NR1D2: variants seen among roughly 807,000 people sequenced by gnomAD.
The protein encoded by NR1D2 is V-erbA-related protein 1-related.
Under a neutral mutation model 52.2 loss-of-function variants are expected in NR1D2, and 25 were observed. The ratio of observed to expected loss-of-function variants is 0.48; its 90% CI spans 0.35 to 0.67. NR1D2 has a LOEUF of 0.67. Ranked by LOEUF, NR1D2 falls within the 30% of genes least tolerant of loss-of-function variation. The probability of loss-of-function intolerance (pLI) is 0.01; values close to 1 mark genes in which losing one functional copy is unlikely to be tolerated. For synonymous variants in NR1D2, 259 were observed against 230.1 expected, an observed-to-expected ratio of 1.13 and a Z score of -1.14; for missense variants, 681 against 707.2, an observed-to-expected ratio of 0.96 and a Z score of 0.42.
intron 1 of NR1D2, among the ~76,000 whole-genome samples, chr3:23,947,198 C>A (rs1208319325): frequency 4.6e-5 from 7 of 152,140 alleles, no homozygotes; most frequent in Non-Finnish European, 8.8e-5. Context: ...TTCTAACCCA[C>A]CCTTTAGCAT....
intron 2 of NR1D2, 99 bp from the exon 3 acceptor site, chr3:23,955,938 A>G (rs1706070691): frequency 1.3e-6 from 1 of 754,892 alleles, no homozygotes; most frequent in African/African-American, 1.7e-5. Context: ...GTATCTTCTA[A>G]AAGCTCTTAC....
Position 23,959,793 on chromosome 3 carries a change from G to C in NR1D2, c.495G>C (p.Leu165=), listed in dbSNP as rs1407668866. 3 of 1,613,570 alleles carry C rather than the reference G, an allele frequency of 1.9e-6. No individual in the cohort carries two copies. Among genetic ancestry groups the C allele is most frequent in the Admixed American group, 1.7e-5 (1 of 59,942 alleles). The change falls in exon 4 of 8, where the codon CTG becomes CTC. Residue 165 remains leucine (L), a synonymous_variant. Transcript: ENST00000312521. ...AGCAATGTCGCTTCAAAAAGTGTCT[G>C]TCTGTTGGAATGTCAAGAGATGGTA... The part of the protein sequence containing the change: ...RCQQCRFKKC[L]SVGMSRDAVR...
intron 7 of NR1D2, among the ~76,000 whole-genome samples, chr3:23,976,023 A>G (rs1706715486): frequency 1.3e-5 from 2 of 152,186 alleles, no homozygotes; most frequent in African/African-American, 2.4e-5. Context: ...GTGGGGGACC[A>G]TTGAATATTT....
rs1706408709 is a variant in NR1D2 at position 23,965,256 on chromosome 3, T to G, written c.1332+94T>G. 6 of 953,468 alleles carry G rather than the reference T, an allele frequency of 6.3e-6. No homozygotes were observed. In the South Asian group the frequency reaches 1.1e-4, roughly 17 times the overall value. 59.1% of individuals were successfully genotyped at this position (953,468 alleles called of 1,614,324 possible). A position where few individuals can be genotyped will look rare whatever the true frequency, so the allele number is the denominator to read the frequency against. ...AATTCTTTTTTTTTTTTTTTTTTTT[T>G]TGAGACAGAATCCTGCTCTGTCACC... On this transcript the variant is annotated intron_variant, in intron 6 of 7. Transcript: ENST00000312521.
Position 23,949,276 on chromosome 3 carries a change from A to C in NR1D2, c.16+3682A>C, listed in dbSNP as rs563673292. 3.8e-3 allele frequency among the ~76,000 whole-genome samples: 574 copies of C among 152,144 alleles called. 1 individual carries two copies. The highest frequency in any genetic ancestry group is 7.0e-3 in the Non-Finnish European group (473 of 67,962). ...GCTACTTGGGAGACTGAGGCAGGAG[A>C]ATCGCTTGAACCGAGGAGGCGGAGG... On this transcript the variant is annotated intron_variant, in intron 1 of 7. Coordinates refer to ENST00000312521, the MANE Select transcript of NR1D2 (RefSeq NM_005126.5).
At chr3:23,953,383 A>T (rs1241653503) in intron 1 of NR1D2, among the ~76,000 whole-genome samples, 1 of 150,010 alleles carries the variant, frequency 6.7e-6, no homozygotes, top group African/African-American at 2.5e-5. Flanking sequence ...GCCAGTTTTC[A>T]GAAGGGTTGT....
At position 23,979,167 on chromosome 3, in the gene NR1D2, GT is replaced by G. The variant is rs1261787410; in HGVS notation, c.*1750del. ...ATTTACTGTGGCACTAGTTAAGTAA[GT>G]TAAAAAAAAGTTAAACCCTCTCATT... On this transcript the variant is annotated 3_prime_UTR_variant, in exon 8 of 8. Coordinates refer to ENST00000312521, the MANE Select transcript of NR1D2 (RefSeq NM_005126.5). 51 of 151,928 alleles carry G rather than the reference GT, an allele frequency of 3.4e-4. 1 individual carries two copies. The allele number at this position is 151,928 out of a possible 1,614,324, so 9.4% of individuals were successfully genotyped here.
chr3:23,952,982 G>A (rs1705983952), intron 1 of NR1D2, among the ~76,000 whole-genome samples: 1 of 151,582 alleles, frequency 6.6e-6, no homozygotes, highest in African/African-American at 2.4e-5. Context: ...CCTAAAGACG[G>A]CAATGTCTGT....
intron 5 of NR1D2, among the ~76,000 whole-genome samples, chr3:23,962,936 T>G (rs1409999410): frequency 6.6e-6 from 1 of 152,128 alleles, no homozygotes; most frequent in East Asian, 1.9e-4. Context: ...ATTAGTACCT[T>G]ACTAGCTTTG....
chr3:23,959,692 C>A lies in NR1D2; in HGVS notation c.394C>A (p.Gln132Lys), dbSNP rs75353302. The part of the protein sequence containing the change: ...GCKGFFRRSI[Q>K]QNIQYKKCLK... ...TTAGGGTTTCTTTCGGAGAAGTATT[C>A]AACAAAACATCCAGTACAAGAAGTG... Residue 132 changes from glutamine to lysine, a missense_variant, in exon 4 of 8, where the codon CAA becomes AAA. Around this residue, in one of 3 missense-constraint regions of NR1D2, gnomAD observed 112 missense variants for 162.3 expected, o/e 0.69. Coordinates refer to ENST00000312521, the MANE Select transcript of NR1D2 (RefSeq NM_005126.5). The A allele has an allele frequency of 6.2e-7, 1 of 1,611,392 alleles. No individual in the cohort carries two copies. The highest frequency in any genetic ancestry group is 1.1e-5 in the South Asian group (1 of 90,498).
chr3:23,975,910 C>T (rs1706711841), intron 7 of NR1D2, among the ~76,000 whole-genome samples: 3 of 152,036 alleles, frequency 2.0e-5, no homozygotes, highest in Admixed American at 1.3e-4. Context: ...AATGGAAGAC[C>T]TCCTCAATAT....
intron 3 of NR1D2, among the ~76,000 whole-genome samples, 189 bp from the exon 4 acceptor site, chr3:23,959,482 G>C (rs968456932): frequency 3.9e-5 from 6 of 152,018 alleles, no homozygotes; most frequent in Non-Finnish European, 2.9e-5. Flanking sequence ...ATACCAATAA[G>C]AATCGAAATT....
intron 1 of NR1D2, among the ~76,000 whole-genome samples, 167 bp from the exon 2 acceptor site, chr3:23,954,370 G>T (rs1225009486): frequency 6.6e-6 from 1 of 152,136 alleles, no homozygotes; most frequent in South Asian, 2.1e-4. Flanking sequence ...GAAGCAGGAC[G>T]AATAATGGGA....
In NR1D2 at chr3:23,976,344, AGATAT is replaced by A. The variant is rs372997224; in HGVS notation, c.1544-871_1544-867del. Among the ~76,000 whole-genome samples, 1,442 of 152,322 alleles carry A rather than the reference AGATAT, an allele frequency of 9.5e-3. 26 individuals carry two copies. The highest frequency in any genetic ancestry group is 0.033 in the African/African-American group (1,385 of 41,540). On this transcript the variant is annotated intron_variant, in intron 7 of 7. Transcript: ENST00000312521. The stretch of plus-strand genomic sequence containing the variant: ...TTAATCTCACAGTTTTTGAGGGTTA[AGATAT>A]GATATGAGAGATAGGATATGATATG...
chr3:23,975,128 T>A (rs1706687912), intron 7 of NR1D2, among the ~76,000 whole-genome samples: 1 of 151,648 alleles, frequency 6.6e-6, no homozygotes, highest in Admixed American at 6.6e-5. Flanking sequence ...CCAACATTCT[T>A]TTTATTTTTT....
chr3:23,948,683 C>G (rs990510234), intron 1 of NR1D2, among the ~76,000 whole-genome samples: 2 of 152,156 alleles, frequency 1.3e-5, no homozygotes, highest in Non-Finnish European at 2.9e-5. Flanking sequence ...CTTAATGATG[C>G]GGGGCTAAGT....
Position 23,945,501 on chromosome 3 carries a change from C to T in NR1D2, c.-78C>T. ...CACCGCTGCTTCCAGCCCGGGGCGGCGCGGCGCTGAGGCGGCGGCGGCGGC... is the reference window on the plus strand; with the variant it reads ...CACCGCTGCTTCCAGCCCGGGGCGGTGCGGCGCTGAGGCGGCGGCGGCGGC... On this transcript the variant is annotated 5_prime_UTR_variant, in exon 1 of 8. Transcript: ENST00000312521. The T allele has an allele frequency of 5.8e-5, 53 of 914,198 alleles. No homozygotes were observed. The highest frequency in any genetic ancestry group is 6.7e-5 in the Non-Finnish European group (50 of 741,130). The allele number at this position is 914,198 out of a possible 1,614,324, so 56.6% of individuals were successfully genotyped here. A position where few individuals can be genotyped will look rare whatever the true frequency, so the allele number is the denominator to read the frequency against.
At chr3:23,958,775 C>T (rs1041609124) in intron 3 of NR1D2, among the ~76,000 whole-genome samples, 1 of 151,674 alleles carries the variant, frequency 6.6e-6, no homozygotes, top group Admixed American at 6.6e-5. Context: ...TGGTGAAACC[C>T]TGTCTCTACT....
At chr3:23,971,759 G>GAC (rs5847266) in intron 7 of NR1D2, among the ~76,000 whole-genome samples, 119,332 of 151,808 alleles carry the variant, frequency 0.79, 47,694 homozygotes, top group African/African-American at 0.91. Context: ...ATTGTTCAAA[G>GAC]ACAGTTTTTT....
Sources: allele counts gnomAD v4.1 joint callset (sites outside exome capture counted in the v4.1 genomes callset), GRCh38; gene constraint gnomAD v4.1.1; regional missense constraint gnomAD v4.1.1; transcripts MANE v1.5; gene names NCBI Gene and HGNC (gene_info 2026-07-23, HGNC 2026-07-21).